The following EPB41L2 variants were observed in gnomAD, a reference collection of about 807,000 sequenced individuals.
The protein encoded by EPB41L2 is band 4.1-like protein 2.
Under a neutral mutation model 113.0 loss-of-function variants are expected in EPB41L2, and 43 were observed. The ratio of observed to expected loss-of-function variants is 0.38; its 90% CI spans 0.30 to 0.49. The LOEUF (loss-of-function observed/expected upper bound fraction) is 0.49, where lower values mean the gene tolerates loss of function less well. Among genes scored for constraint, EPB41L2 ranks in the 20% least tolerant of loss-of-function variants. EPB41L2 has a pLI of 0.95. For missense variants in EPB41L2, 1,147 were observed against 1,223.4 expected (o/e 0.94, Z 0.93); for synonymous variants, 442 against 436.7 (o/e 1.01, Z -0.15).
At chr6:130,905,936 T>C (rs1474905249) in intron 5 of EPB41L2, among the ~76,000 whole-genome samples, 1 of 152,228 alleles carries the variant, frequency 6.6e-6, no homozygotes, top group Non-Finnish European at 1.5e-5. Flanking sequence ...AATGCACCAC[T>C]GATTCAACCA....
intron 7 of EPB41L2, 68 bp downstream of exon 7, chr6:130,900,894 G>A: frequency 6.5e-7 from 1 of 1,541,286 alleles, no homozygotes; most frequent in Non-Finnish European, 8.9e-7. Context: ...CAAATGTCTA[G>A]TAAGTGCTAC....
chr6:130,913,584 C>T (rs527879353), intron 4 of EPB41L2, among the ~76,000 whole-genome samples: 46 of 152,272 alleles, frequency 3.0e-4, no homozygotes, highest in African/African-American at 1.1e-3. Context: ...TTGCCTCCTT[C>T]CTCTCCACGC....
At chr6:130,890,491 AGAGAGAG>A in intron 10 of EPB41L2, 25 bp from the exon 11 acceptor site, 1 of 1,492,104 alleles carries the variant, frequency 6.7e-7, no homozygotes, top group Non-Finnish European at 9.1e-7. Flanking sequence ...AAAAAAAAAA[AGAGAGAG>A]AGAAAGGGGA....
chr6:130,884,015 T>C (rs1477140625), intron 12 of EPB41L2, among the ~76,000 whole-genome samples: 1 of 152,150 alleles, frequency 6.6e-6, no homozygotes, highest in Non-Finnish European at 1.5e-5. Context: ...TTATGTCTTT[T>C]AAAAATTTTC....
At chr6:130,950,015 T>C (rs1814313259) in intron 3 of EPB41L2, among the ~76,000 whole-genome samples, 2 of 152,212 alleles carry the variant, frequency 1.3e-5, no homozygotes, top group African/African-American at 4.8e-5. Context: ...GGAGACTGAT[T>C]ATTAGTAGTT....
chr6:130,869,162 A>T (rs752646139), intron 15 of EPB41L2, among the ~76,000 whole-genome samples: 30 of 150,240 alleles, frequency 2.0e-4, no homozygotes, highest in African/African-American at 6.3e-4. Flanking sequence ...AGCAGTGACC[A>T]TTTTTTTTTT....
chr6:131,018,897 G>T (rs1465317103), intron 1 of EPB41L2, among the ~76,000 whole-genome samples: 1 of 152,126 alleles, frequency 6.6e-6, no homozygotes, highest in Admixed American at 6.5e-5. Context: ...CAGGTTTACT[G>T]GTGTAATTCT....
rs536956759 is a variant in EPB41L2, at chr6:131,049,946, T to C, written c.-15+13209A>G. On this transcript the variant is annotated intron_variant, in intron 1 of 19. Coordinates refer to ENST00000337057, the MANE Select transcript of EPB41L2 (RefSeq NM_001431.4). ...AACTCTGGACACAAGAGACCTTGGCTGTGCCTGAAGCTCCATTAGTAACTG... is the reference window on the plus strand; with the variant it reads ...AACTCTGGACACAAGAGACCTTGGCCGTGCCTGAAGCTCCATTAGTAACTG... 3.3e-5 allele frequency among the ~76,000 whole-genome samples: 5 copies of C among 152,332 alleles called. No homozygotes were observed. In the South Asian group the frequency reaches 1.0e-3, roughly 32 times the overall value.
chr6:130,890,410 A>T lies in EPB41L2; in HGVS notation c.1544T>A (p.Phe515Tyr). 6.2e-7 allele frequency: 1 copy of T among 1,613,436 alleles called. No individual in the cohort carries two copies. The highest frequency in any genetic ancestry group is 1.1e-5 in the South Asian group (1 of 91,028). Residue 515 changes from phenylalanine (F) to tyrosine (Y), a missense_variant, in exon 11 of 20, where the codon TTT becomes TAT. Physicochemically the swap from Phe to Tyr is conservative, Grantham distance 22. Coordinates refer to ENST00000337057, the MANE Select transcript of EPB41L2 (RefSeq NM_001431.4). ...TGCTTGGGTGCGGCCACTATAGCGA[A>T]ATTTGGACCCCAAGGTCAGGAACTT... is the stretch of plus-strand genomic sequence containing the variant. The part of the protein sequence containing the change: ...KAKFLTLGSK[F>Y]RYSGRTQAQT...
intron 1 of EPB41L2, among the ~76,000 whole-genome samples, chr6:131,027,261 A>G (rs1791088642): frequency 1.3e-5 from 2 of 152,220 alleles, no homozygotes; most frequent in Non-Finnish European, 2.9e-5. Flanking sequence ...TCTGCAAGCC[A>G]GAACCATCAG....
intron 1 of EPB41L2, among the ~76,000 whole-genome samples, chr6:131,025,902 A>G (rs977740880): frequency 2.0e-5 from 3 of 152,216 alleles, no homozygotes; most frequent in Admixed American, 6.5e-5. Flanking sequence ...TAAATGTAAG[A>G]TTATCCTTTA....
chr6:130,877,369 T>A (rs1458631465), intron 14 of EPB41L2, among the ~76,000 whole-genome samples: 1 of 152,162 alleles, frequency 6.6e-6, no homozygotes, highest in South Asian at 2.1e-4. Flanking sequence ...AACGAGCCCA[T>A]GGAAGTTCTT....
At chr6:130,891,440 C>T (rs982802737) in intron 10 of EPB41L2, among the ~76,000 whole-genome samples, 5 of 151,630 alleles carry the variant, frequency 3.3e-5, no homozygotes, top group African/African-American at 9.7e-5. Context: ...TACTTACTTA[C>T]TTACTTACTT....
chr6:130,945,850 G>A (rs1812627514), intron 3 of EPB41L2, among the ~76,000 whole-genome samples: 1 of 152,016 alleles, frequency 6.6e-6, no homozygotes, highest in South Asian at 2.1e-4. Flanking sequence ...AAAGAGCTCT[G>A]CTGTTTTAAC....
chr6:130,940,933 G>C (rs931787750), intron 3 of EPB41L2, among the ~76,000 whole-genome samples: 1 of 152,020 alleles, frequency 6.6e-6, no homozygotes, highest in Non-Finnish European at 1.5e-5. Context: ...GTGGATATAA[G>C]TGTGTGTGTG....
chr6:131,017,277 A>T (rs371976875), intron 1 of EPB41L2, among the ~76,000 whole-genome samples: 4 of 152,210 alleles, frequency 2.6e-5, no homozygotes, highest in African/African-American at 9.6e-5. Context: ...TCAGTATCCC[A>T]GCAAGTAAAA....
chr6:131,058,972 C>T (rs554105922), intron 1 of EPB41L2, among the ~76,000 whole-genome samples: 9 of 152,176 alleles, frequency 5.9e-5, no homozygotes, highest in East Asian at 1.9e-4. Context: ...GCCAAGATCA[C>T]GTCACTGCAC....
rs543566737 is a variant in EPB41L2 at position 130,899,222 on chromosome 6, A to G, written c.1236+269T>C. 3.9e-4 allele frequency among the ~76,000 whole-genome samples: 60 copies of G among 152,232 alleles called. 1 individual carries two copies. In the South Asian group the frequency reaches 0.012, roughly 32 times the overall value. ...ATAAACCAGGATAAGCGGTGAAAAA[A>G]AAAAGGCTGACAAGGTGTGTCATAG... is the stretch of plus-strand genomic sequence containing the variant. On this transcript the variant is annotated intron_variant, in intron 8 of 19. Coordinates refer to ENST00000337057, the MANE Select transcript of EPB41L2 (RefSeq NM_001431.4).
At chr6:130,918,649 A>C (rs970712072) in intron 4 of EPB41L2, among the ~76,000 whole-genome samples, 1 of 151,216 alleles carries the variant, frequency 6.6e-6, no homozygotes, top group Non-Finnish European at 1.5e-5. Flanking sequence ...TCAGTGTCTC[A>C]ACCATGAGAG....
Sources: allele counts gnomAD v4.1 joint callset (sites outside exome capture counted in the v4.1 genomes callset), GRCh38; gene constraint gnomAD v4.1.1; transcripts MANE v1.5; gene names NCBI Gene and HGNC (gene_info 2026-07-23, HGNC 2026-07-21).